Variants in FOXK2 observed in about 807,000 individuals in gnomAD.
FOXK2 encodes the protein forkhead box K2, also known as forkhead box protein K2.
FOXK2 carries 24 observed loss-of-function variants against 53.3 expected under a neutral mutation model. The ratio of observed to expected loss-of-function variants is 0.45; its 90% CI spans 0.33 to 0.63. The LOEUF is 0.63. FOXK2 is among the 30% of genes least tolerant of loss of function. The pLI is 0.03. For missense variants in FOXK2, 952 were observed against 910.5 expected (o/e 1.05, Z -0.59); for synonymous variants, 505 against 407.1 (o/e 1.24, Z -2.89).
At chr17:82,570,865 C>T (rs2044909876) in intron 3 of FOXK2, among the ~76,000 whole-genome samples, 1 of 152,142 alleles carries the variant, frequency 6.6e-6, no homozygotes, top group African/African-American at 2.4e-5. Context: ...CTTGAAAGAG[C>T]CAGGACCAGG....
chr17:82,592,891 C>G (rs1446583263), intron 8 of FOXK2, among the ~76,000 whole-genome samples: 1 of 151,866 alleles, frequency 6.6e-6, no homozygotes, highest in African/African-American at 2.4e-5. Context: ...GAAGGTCTCC[C>G]TGTGCCGGGC....
At chr17:82,552,253 G>C (rs147419185) in intron 1 of FOXK2, among the ~76,000 whole-genome samples, 14 of 152,196 alleles carry the variant, frequency 9.2e-5, no homozygotes, top group African/African-American at 3.1e-4. Context: ...ATAGTACAGA[G>C]AACTTCCGTT....
chr17:82,569,557 C>T (rs1218051217), intron 3 of FOXK2, among the ~76,000 whole-genome samples: 1 of 152,146 alleles, frequency 6.6e-6, no homozygotes, highest in African/African-American at 2.4e-5. Context: ...CTGATGTTCA[C>T]TTTGCAAAAA....
chr17:82,552,043 C>T (rs2044682078), intron 1 of FOXK2, among the ~76,000 whole-genome samples: 1 of 152,102 alleles, frequency 6.6e-6, no homozygotes. Flanking sequence ...GTGTGAGGCA[C>T]CATAAAATTA....
Position 82,520,175 on chromosome 17 carries a change from C to A in FOXK2, c.287C>A (p.Pro96Gln). The change falls in exon 1 of 9, where the codon CCG becomes CAG. Residue 96 changes from proline to glutamine, a missense_variant. Transcript: ENST00000335255. The part of the protein sequence containing the change: ...PGGGGHGGAA[P>Q]ELPPAQPRPD... ...GGCGGCGGCCATGGCGGGGCCGCTCCGGAGCTGCCGCCCGCGCAGCCCAGG... is the reference window on the plus strand; with the variant it reads ...GGCGGCGGCCATGGCGGGGCCGCTCAGGAGCTGCCGCCCGCGCAGCCCAGG... 6.8e-7 allele frequency: 1 copy of A among 1,467,668 alleles called. No individual in the cohort carries two copies. Among genetic ancestry groups the A allele is most frequent in the Non-Finnish European group, 9.0e-7 (1 of 1,108,728 alleles). The allele number at this position is 1,467,668 out of a possible 1,614,324, so 90.9% of individuals were successfully genotyped here. A position where few individuals can be genotyped will look rare whatever the true frequency, so the allele number is the denominator to read the frequency against.
chr17:82,572,025 G>T, intron 4 of FOXK2, 155 bp downstream of exon 4: 1 of 598,848 alleles, frequency 1.7e-6, no homozygotes, highest in East Asian at 3.4e-5. Flanking sequence ...GGCCGGTGCT[G>T]CCATGCTCTG....
At chr17:82,595,989 A>G in intron 8 of FOXK2, 1 of 1,167,640 alleles carries the variant, frequency 8.6e-7, no homozygotes, top group Non-Finnish European at 1.1e-6. Flanking sequence ...GAGTCAGCGT[A>G]GGAGAAAGGC....
intron 7 of FOXK2, 107 bp from the exon 8 acceptor site, chr17:82,586,956 C>T: frequency 9.9e-7 from 1 of 1,005,328 alleles, no homozygotes; most frequent in Non-Finnish European, 1.5e-6. Context: ...GTTTTAGAGA[C>T]ATTTTCTAGC....
rs892123321 is a variant in FOXK2, at chr17:82,585,808, T to G, written c.1280-96T>G. 6 of 1,260,678 alleles carry G rather than the reference T, an allele frequency of 4.8e-6. No homozygotes were observed. The East Asian group carries it at 1.5e-4, about 31-fold the overall frequency. 78.1% of individuals were successfully genotyped at this position (1,260,678 alleles called of 1,614,324 possible). ...TAGGGCCATATCCTATATTTTAAAT[T>G]AAAGTTTGTATGTTGCTTGTCAGTG... On this transcript the variant is annotated intron_variant, in intron 6 of 8. Coordinates refer to ENST00000335255, the MANE Select transcript of FOXK2 (RefSeq NM_004514.4).
At chr17:82,584,617 GT>G (rs1248038687) in intron 6 of FOXK2, among the ~76,000 whole-genome samples, 1 of 131,338 alleles carries the variant, frequency 7.6e-6, no homozygotes, top group Non-Finnish European at 1.5e-5. Flanking sequence ...ATCTTGGCTC[GT>G]TGCAACCTCT....
chr17:82,595,815 G>C (rs1203747155), intron 8 of FOXK2: 14 of 1,289,646 alleles, frequency 1.1e-5, no homozygotes, highest in Non-Finnish European at 1.4e-5. Flanking sequence ...CCATGTGCCA[G>C]CTCAGACTGG....
In FOXK2 at chr17:82,601,543, C is replaced by A; in HGVS notation, c.*44C>A. The A allele has an allele frequency of 6.5e-7, 1 of 1,539,438 alleles. No individual in the cohort carries two copies. The highest frequency in any genetic ancestry group is 8.8e-7 in the Non-Finnish European group (1 of 1,140,412). Reference sequence around the variant, plus strand: ...TTTAACGATATCAACTCTGTGGTGCCAAAAGGAGACGCGGCCTCCCGCCAG... The same window carrying A: ...TTTAACGATATCAACTCTGTGGTGCAAAAAGGAGACGCGGCCTCCCGCCAG... On this transcript the variant is annotated 3_prime_UTR_variant, in exon 9 of 9. Transcript: ENST00000335255.
At chr17:82,573,016 C>T (rs2044935899) in intron 4 of FOXK2, among the ~76,000 whole-genome samples, 1 of 151,970 alleles carries the variant, frequency 6.6e-6, no homozygotes, top group African/African-American at 2.4e-5. Context: ...CATGGCGAGA[C>T]CCTGTCTCTA....
At chr17:82,551,836 T>C (rs1341903324) in intron 1 of FOXK2, among the ~76,000 whole-genome samples, 2 of 152,188 alleles carry the variant, frequency 1.3e-5, no homozygotes, top group African/African-American at 4.8e-5. Context: ...ATTTGTAATT[T>C]ATGTGCTTTA....
At chr17:82,520,351 G>C (rs1405926744) in intron 1 of FOXK2, 44 bp downstream of exon 1, 21 of 1,234,386 alleles carry the variant, frequency 1.7e-5, no homozygotes, top group Non-Finnish European at 2.1e-5. Flanking sequence ...GCGGCCTGCA[G>C]CGCCTGGCAG....
At position 82,584,176 on chromosome 17, in the gene FOXK2, C is replaced by G. The variant is rs2045103251; in HGVS notation, c.1267C>G (p.Gln423Glu). ...LAVIQEARFA[Q>E]SAPGSPLSSQ... ...TGTCATCCAGGAAGCCCGGTTTGCC[C>G]AGAGCGCCCCAGGTGAGACAGCGGG... is the stretch of plus-strand genomic sequence containing the variant. Residue 423 changes from glutamine (Q) to glutamate (E), a missense_variant, in exon 6 of 9, where the codon CAG (glutamine) becomes GAG (glutamate). Physicochemically the swap from Gln to Glu is conservative, Grantham distance 29. Transcript: ENST00000335255. 1 of 1,601,808 alleles carries G rather than the reference C, an allele frequency of 6.2e-7. No individual in the cohort carries two copies. The highest frequency in any genetic ancestry group is 8.5e-7 in the Non-Finnish European group (1 of 1,175,180).
In FOXK2 at chr17:82,585,914, GT is replaced by G; in HGVS notation, c.1291del (p.Ser431ProfsTer6). On this transcript the variant is annotated frameshift_variant, in exon 7 of 9. Coordinates refer to ENST00000335255, the MANE Select transcript of FOXK2 (RefSeq NM_004514.4). LOFTEE classifies it high-confidence loss of function. ...TGTGTCTTTCACCAGGGTCACCTCT[GT>G]CCAGTCAGCCAGTCTTAATCACCGT... Reference protein sequence around the residue: ...FAQSAPGSPLSSQPVLITVQR... With the variant: ...FAQSAPGSPLXSQPVLITVQR... The G allele has an allele frequency of 6.2e-7, 1 of 1,610,916 alleles. No individual in the cohort carries two copies. The highest frequency in any genetic ancestry group is 8.5e-7 in the Non-Finnish European group (1 of 1,178,420).
intron 2 of FOXK2, 35 bp downstream of exon 2, chr17:82,563,583 T>C: frequency 6.3e-7 from 1 of 1,575,028 alleles, no homozygotes; most frequent in Admixed American, 1.8e-5. Flanking sequence ...GGAGCATCCT[T>C]AGTCCCAGTG....
chr17:82,525,884 A>G (rs887589652), intron 1 of FOXK2, among the ~76,000 whole-genome samples: 15 of 152,166 alleles, frequency 9.9e-5, no homozygotes, highest in African/African-American at 3.6e-4. Flanking sequence ...CGTGGCCTGA[A>G]TCCCACACTT....
Sources: gnomAD v4.1 joint callset for allele counts (sites outside exome capture counted in the v4.1 genomes callset) on GRCh38, gnomAD v4.1.1 for gene constraint, MANE v1.5 for transcripts, NCBI Gene and HGNC (gene_info 2026-07-23, HGNC 2026-07-21) for gene names.